Variants in PTGR3 observed in about 807,000 individuals in gnomAD.
PTGR3 encodes the protein zinc binding alcohol dehydrogenase domain containing 2.
At chr18:75,207,406 C>G in the PTGR3 span, among the ~76,000 whole-genome samples, 1 of 152,226 alleles carries the variant, frequency 6.6e-6, no homozygotes, top group Non-Finnish European at 1.5e-5. Context: ...ATCTCAACTT[C>G]TAGCAAATCA....
At chr18:75,208,818 G>A in the PTGR3 span, 20 of 1,433,482 alleles carry the variant, frequency 1.4e-5, no homozygotes, top group Middle Eastern at 2.5e-4. Context: ...GGGCGAGAAC[G>A]GGGGCGTGGG....
the PTGR3 span, among the ~76,000 whole-genome samples, chr18:75,208,125 A>G: frequency 2.0e-5 from 3 of 152,224 alleles, no homozygotes; most frequent in African/African-American, 7.2e-5. Flanking sequence ...TGGAAAAGCC[A>G]GAAGGTCTCG....
chr18:75,201,532 C>T, the PTGR3 span: 1 of 1,614,204 alleles, frequency 6.2e-7, no homozygotes, highest in Non-Finnish European at 8.5e-7. Flanking sequence ...AACCTGCCCT[C>T]TGGAGACAGA....
the PTGR3 span, chr18:75,196,578 AC>A: frequency 6.8e-6 from 1 of 146,946 alleles, no homozygotes; most frequent in Non-Finnish European, 1.5e-5. Context: ...GTTGCAATCA[AC>A]CATGATTGCA....
At chr18:75,197,598 C>T in the PTGR3 span, 2 of 152,138 alleles carry the variant, frequency 1.3e-5, no homozygotes, top group Non-Finnish European at 1.5e-5. Context: ...TTTAAAGTGA[C>T]CACACCAACC....
the PTGR3 span, among the ~76,000 whole-genome samples, chr18:75,207,219 GCCT>G: frequency 6.6e-6 from 1 of 152,092 alleles, no homozygotes; most frequent in African/African-American, 2.4e-5. Context: ...TCGCTCAGTC[GCCT>G]CCTCCCCATA....
chr18:75,201,652 C>T, the PTGR3 span: 47 of 1,614,074 alleles, frequency 2.9e-5, no homozygotes, highest in Middle Eastern at 1.6e-4. Flanking sequence ...AAGCCCTGTA[C>T]GCTGGCAGAT....
At chr18:75,208,556 G>T in the PTGR3 span, 3 of 1,089,014 alleles carry the variant, frequency 2.8e-6, no homozygotes, top group South Asian at 1.4e-4. Context: ...TTCGGGAGCG[G>T]GAGGGGGAGG....
At chr18:75,205,189 T>C in the PTGR3 span, 1 of 985,514 alleles carries the variant, frequency 1.0e-6, no homozygotes, top group South Asian at 4.7e-5. Context: ...GCCTGAGTCC[T>C]TACCTCTGCG....
chr18:75,201,044 G>A, the PTGR3 span: 5 of 184,822 alleles, frequency 2.7e-5, no homozygotes, highest in Non-Finnish European at 4.5e-5. Context: ...CAAAGAAGTC[G>A]GGAACCACTT....
the PTGR3 span, among the ~76,000 whole-genome samples, chr18:75,205,727 G>GA: frequency 1.7e-5 from 2 of 117,114 alleles, no homozygotes; most frequent in African/African-American, 6.3e-5. Context: ...AGAAAAAAAA[G>GA]AAAAAAGAAA....
chr18:75,196,532 T>C, the PTGR3 span: 15 of 146,856 alleles, frequency 1.0e-4, no homozygotes, highest in African/African-American at 3.8e-4. Flanking sequence ...CTCAGGAGAC[T>C]GAGGTGGGAG....
chr18:75,204,097 C>T, the PTGR3 span, among the ~76,000 whole-genome samples: 5 of 152,376 alleles, frequency 3.3e-5, no homozygotes, highest in African/African-American at 9.6e-5. Context: ...CCCAGTTTGT[C>T]CCCCTGGTGT....
At chr18:75,201,984 G>C in the PTGR3 span, 3 of 1,614,074 alleles carry the variant, frequency 1.9e-6, no homozygotes, top group African/African-American at 4.0e-5. Flanking sequence ...AAGCTGCATG[G>C]CAAACTGGCC....
At chr18:75,204,214 A>G in the PTGR3 span, among the ~76,000 whole-genome samples, 2 of 152,186 alleles carry the variant, frequency 1.3e-5, no homozygotes, top group Admixed American at 1.3e-4. Context: ...CCACCTCGGG[A>G]TGGGCGCGCC....
chr18:75,196,261 G>A, the PTGR3 span: 4 of 152,046 alleles, frequency 2.6e-5, no homozygotes, highest in Admixed American at 6.6e-5. Context: ...ATTTCATACC[G>A]TTTCAAAGAC....
At chr18:75,195,642 G>T in the PTGR3 span, 1 of 152,186 alleles carries the variant, frequency 6.6e-6, no homozygotes, top group Non-Finnish European at 1.5e-5. Flanking sequence ...GCATGTTGCG[G>T]TGGCTTATGC....
chr18:75,199,777 A>G, the PTGR3 span: 3 of 152,592 alleles, frequency 2.0e-5, no homozygotes, highest in Non-Finnish European at 4.4e-5. Context: ...CTCTAGTGCT[A>G]TTTGTCTTTA....
chr18:75,204,958 G>A, the PTGR3 span, among the ~76,000 whole-genome samples: 2 of 152,250 alleles, frequency 1.3e-5, no homozygotes, highest in South Asian at 2.1e-4. Context: ...TCTCACCCCC[G>A]CTCTCCCGCC....
Sources: gnomAD v4.1 joint callset for allele counts (sites outside exome capture counted in the v4.1 genomes callset) on GRCh38, gnomAD v4.1.1 for gene constraint, MANE v1.5 for transcripts, NCBI Gene and HGNC (gene_info 2026-07-23, HGNC 2026-07-21) for gene names.